NF2: variants seen among roughly 807,000 people sequenced by gnomAD.
NF2 encodes the protein merlin.
NF2 carries 8 observed loss-of-function variants against 83.7 expected under a neutral mutation model. The ratio of observed to expected loss-of-function variants is 0.10; its 90% CI spans 0.06 to 0.17. The LOEUF is 0.17. Ranked by LOEUF, NF2 falls within the 10% of genes least tolerant of loss-of-function variation. The pLI, the probability that NF2 is intolerant of heterozygous loss-of-function variation, is 1.00. For synonymous variants in NF2, 266 were observed against 269.6 expected, an observed-to-expected ratio of 0.99 and a Z score of 0.13; for missense variants, 533 against 744.4, an observed-to-expected ratio of 0.72 and a Z score of 3.31.
chr22:29,665,151 T>C lies in NF2; in HGVS notation c.885+87T>C. The C allele has an allele frequency of 3.9e-6, 4 of 1,026,260 alleles. No individual in the cohort carries two copies. In the South Asian group the frequency reaches 4.0e-5, roughly 10 times the overall value. 63.6% of individuals were successfully genotyped at this position (1,026,260 alleles called of 1,614,324 possible). A position where few individuals can be genotyped will look rare whatever the true frequency, so the allele number is the denominator to read the frequency against. On this transcript the variant is annotated intron_variant, in intron 9 of 15. Coordinates refer to ENST00000338641, the MANE Select transcript of NF2 (RefSeq NM_000268.4). ...CTTTTTAAAGGATATCAGAGTGACA[T>C]CTTGTGAAGTATAGAATGGTATCTC...
At chr22:29,673,899 A>G (rs1358417152) in intron 12 of NF2, among the ~76,000 whole-genome samples, 1 of 152,130 alleles carries the variant, frequency 6.6e-6, no homozygotes, top group African/African-American at 2.4e-5. Flanking sequence ...GCAGCTGCCT[A>G]CCTTTAAAGG....
In NF2 at chr22:29,681,264, A is replaced by G. The variant is rs140687911; in HGVS notation, c.1575-175A>G. 7.9e-3 allele frequency among the ~76,000 whole-genome samples: 1,206 copies of G among 152,238 alleles called. 9 individuals are homozygous for G. Among genetic ancestry groups the G allele is most frequent in the Middle Eastern group, 0.014 (4 of 294 alleles). On this transcript the variant is annotated intron_variant, in intron 14 of 15. Coordinates refer to ENST00000338641, the MANE Select transcript of NF2 (RefSeq NM_000268.4). ...CAATTTTAATGATGAGGAAACATTC[A>G]TAGCATTTAAGTGACCAGCCCAAGC... is the stretch of plus-strand genomic sequence containing the variant.
rs1368278560 is a variant in NF2, at chr22:29,682,770, A to T, written c.1737+1169A>T. On this transcript the variant is annotated intron_variant, in intron 15 of 15. Coordinates refer to ENST00000338641, the MANE Select transcript of NF2 (RefSeq NM_000268.4). ...CCTCAGACACCCCATCTCACCCCTT[A>T]CCCCCAGCCTTGTCATCTGGGTCCC... Among the ~76,000 whole-genome samples, 4 of 151,938 alleles carry T rather than the reference A, an allele frequency of 2.6e-5. No individual in the cohort carries two copies. The East Asian group carries it at 7.8e-4, about 30-fold the overall frequency.
At chr22:29,607,950 A>G (rs1347201644) in intron 1 of NF2, among the ~76,000 whole-genome samples, 1 of 152,074 alleles carries the variant, frequency 6.6e-6, no homozygotes, top group East Asian at 1.9e-4. Flanking sequence ...AGGCGGGCGG[A>G]TCACCTGAGG....
In NF2 at chr22:29,694,758, T is replaced by G. The variant is rs1359450650; in HGVS notation, c.1744T>G (p.Leu582Val). Reference protein sequence around the residue: ...SKHNTIKKLTLQSAKSRVAFF... With the variant: ...SKHNTIKKLTVQSAKSRVAFF... ...CTTCTCTGCTTTCTTACAGCTCACCTTGCAGAGCGCCAAGTCCCGAGTGGC... is the reference window on the plus strand; with the variant it reads ...CTTCTCTGCTTTCTTACAGCTCACCGTGCAGAGCGCCAAGTCCCGAGTGGC... Residue 582 changes from leucine to valine, a missense_variant, in exon 16 of 16, where the codon TTG (leucine) becomes GTG (valine). This residue lies in a region of NF2 where 199 missense variants were observed against 240.7 expected (regional missense o/e 0.83). Transcript: ENST00000338641. The surrounding 1 kb of genome is among the most constrained non-coding windows in gnomAD (Gnocchi z 4.1). The G allele has an allele frequency of 6.2e-7, 1 of 1,613,798 alleles. No individual in the cohort carries two copies. Among genetic ancestry groups the G allele is most frequent in the African/African-American group, 1.3e-5 (1 of 74,910 alleles).
At chr22:29,618,078 T>G (rs539141256) in intron 1 of NF2, among the ~76,000 whole-genome samples, 1 of 152,230 alleles carries the variant, frequency 6.6e-6, no homozygotes, top group African/African-American at 2.4e-5. Flanking sequence ...CCATGGGCAC[T>G]GCCCTGTTGT....
chr22:29,664,917 T>G, intron 8 of NF2, 73 bp from the exon 9 acceptor site: 2 of 1,086,680 alleles, frequency 1.8e-6, no homozygotes, highest in South Asian at 1.3e-5. Flanking sequence ...TGGTTGCGCA[T>G]TTGTGGAATT....
intron 13 of NF2, among the ~76,000 whole-genome samples, chr22:29,677,090 A>G (rs2066987003): frequency 6.6e-6 from 1 of 152,146 alleles, no homozygotes; most frequent in South Asian, 2.1e-4. Context: ...ACTGTCCTAG[A>G]CTCAATACGG....
intron 1 of NF2, among the ~76,000 whole-genome samples, chr22:29,613,530 C>CA (rs1289119296): frequency 2.6e-5 from 4 of 151,638 alleles, no homozygotes; most frequent in Non-Finnish European, 5.9e-5. Flanking sequence ...GATTCCATTT[C>CA]AAAAAAATAA....
rs2065830830 is a variant in NF2, at chr22:29,642,240, T to C, written c.402T>C (p.Pro134=). The C allele has an allele frequency of 6.2e-7, 1 of 1,614,072 alleles. No individual in the cohort carries two copies. The highest frequency in any genetic ancestry group is 8.5e-7 in the Non-Finnish European group (1 of 1,179,906). ...TTTTAGATGAAAAGATCTACTGCCC[T>C]CCTGAGGCTTCTGTGCTCCTGGCTT... is the stretch of plus-strand genomic sequence containing the variant. ...KQILDEKIYC[P]PEASVLLASY... is the part of the protein sequence containing the mutation. The change falls in exon 4 of 16, where the codon CCT becomes CCC. Residue 134 remains proline (P), a synonymous_variant. Transcript: ENST00000338641.
chr22:29,626,672 T>G (rs543183330), intron 1 of NF2, among the ~76,000 whole-genome samples: 8 of 152,342 alleles, frequency 5.3e-5, no homozygotes, highest in Non-Finnish European at 1.0e-4. Context: ...GGAGCTTTTT[T>G]GAAGGAATGC....
chr22:29,642,137 G>A (rs2065827196), intron 3 of NF2, 65 bp from the exon 4 acceptor site: 3 of 1,304,106 alleles, frequency 2.3e-6, no homozygotes, highest in East Asian at 2.3e-5. Flanking sequence ...GCCATCTGTT[G>A]TGATCAGCCT....
At chr22:29,643,593 G>T (rs1312658161) in intron 4 of NF2, among the ~76,000 whole-genome samples, 3 of 152,164 alleles carry the variant, frequency 2.0e-5, no homozygotes, top group African/African-American at 7.2e-5. Context: ...GTTTCAGAGA[G>T]CACAGGGTTG....
rs1556003698 is a variant in NF2, at chr22:29,681,499, A to T, written c.1635A>T (p.Glu545Asp). ...LQEQLNELKTEIEALKLKERE... is the reference protein window; with the variant it reads ...LQEQLNELKTDIEALKLKERE... Reference sequence around the variant, plus strand: ...AGCAGCTCAATGAACTCAAGACAGAAATCGAGGCCTTGAAACTGAAAGAGA... The same window carrying T: ...AGCAGCTCAATGAACTCAAGACAGATATCGAGGCCTTGAAACTGAAAGAGA... The change falls in exon 15 of 16, where the codon GAA becomes GAT. Residue 545 changes from glutamate to aspartate, a missense_variant. Physicochemically the swap from Glu to Asp is conservative, Grantham distance 45 (BLOSUM62 2). Transcript: ENST00000338641. 1.9e-5 allele frequency: 30 copies of T among 1,614,184 alleles called. No homozygotes were observed. The highest frequency in any genetic ancestry group is 2.5e-5 in the Non-Finnish European group (30 of 1,180,036).
At chr22:29,683,341 G>T in intron 15 of NF2, 1 of 1,397,852 alleles carries the variant, frequency 7.2e-7, no homozygotes. Context: ...GGTCATTGTT[G>T]GGCTGGGGAA....
chr22:29,695,072 T>C lies in NF2; in HGVS notation c.*270T>C. ...TTGTCTTCCTTTGTCTAATGTGGGA[T>C]TCCTGACTCCCTTCGTCCAAGGCAC... is the stretch of plus-strand genomic sequence containing the variant. On this transcript the variant is annotated 3_prime_UTR_variant, in exon 16 of 16. Transcript: ENST00000338641. The surrounding 1 kb of genome is among the most constrained non-coding windows in gnomAD (Gnocchi z 5.4). 1.8e-6 allele frequency: 1 copy of C among 566,136 alleles called. No individual in the cohort carries two copies. The highest frequency in any genetic ancestry group is 2.0e-5 in the South Asian group (1 of 49,558). 35.1% of individuals were successfully genotyped at this position (566,136 alleles called of 1,614,324 possible). A position where few individuals can be genotyped will look rare whatever the true frequency, so the allele number is the denominator to read the frequency against.
At chr22:29,609,563 A>G (rs2064894059) in intron 1 of NF2, 1 of 225,616 alleles carries the variant, frequency 4.4e-6, no homozygotes, top group Admixed American at 5.5e-5. Flanking sequence ...AAACAGGAAT[A>G]TTGACTACCA....
Position 29,697,588 on chromosome 22 carries a change from G to A in NF2, c.*2786G>A, listed in dbSNP as rs1454931662. ...ATCCTTTTTTTTTTTTTTTTGAGAC[G>A]GAGTTTTTGCCTTTGTCGCCCAGGC... On this transcript the variant is annotated 3_prime_UTR_variant, in exon 16 of 16. Transcript: ENST00000338641. The A allele has an allele frequency of 2.3e-5, 4 of 173,750 alleles. No homozygotes were observed. Among genetic ancestry groups the A allele is most frequent in the Non-Finnish European group, 2.5e-5 (2 of 81,396 alleles). The allele number at this position is 173,750 out of a possible 1,614,324, so 10.8% of individuals were successfully genotyped here. A position where few individuals can be genotyped will look rare whatever the true frequency, so the allele number is the denominator to read the frequency against.
intron 1 of NF2, among the ~76,000 whole-genome samples, chr22:29,624,841 CTTTCTTTCTTTCTTTCTTT>C (rs1569272825): frequency 2.0e-5 from 3 of 147,122 alleles, no homozygotes; most frequent in Non-Finnish European, 4.5e-5. Context: ...TTCTTTCTTT[CTTTCTTTCTTTCTTTCTTT>C]CTTTCTTTCT....
Sources: allele counts gnomAD v4.1 joint callset (sites outside exome capture counted in the v4.1 genomes callset), GRCh38; gene constraint gnomAD v4.1.1; regional missense constraint gnomAD v4.1.1; non-coding constraint Gnocchi (gnomAD v3.1); transcripts MANE v1.5; gene names NCBI Gene and HGNC (gene_info 2026-07-23, HGNC 2026-07-21).